The following CLVS1 variants were observed in gnomAD, a reference collection of about 807,000 sequenced individuals.
CLVS1 encodes clavesin 1.
Under a neutral mutation model 33.1 loss-of-function variants are expected in CLVS1, and 10 were observed. That is an observed-to-expected ratio of 0.30 (90% confidence interval 0.19 to 0.51). CLVS1 has a LOEUF of 0.51. Ranked by LOEUF, CLVS1 falls within the 20% of genes least tolerant of loss-of-function variation. The pLI is 0.97. For synonymous variants in CLVS1, 163 were observed against 166.1 expected (o/e 0.98, Z 0.14); for missense variants, 343 against 433.4 (o/e 0.79, Z 1.85).
At chr8:61,364,144 A>T (rs1179117572) in intron 2 of CLVS1, among the ~76,000 whole-genome samples, 7 of 152,212 alleles carry the variant, frequency 4.6e-5, no homozygotes, top group Admixed American at 1.3e-4. Flanking sequence ...CTGGTTTTGA[A>T]GGATGATCAA....
intron 5 of CLVS1, among the ~76,000 whole-genome samples, chr8:61,467,533 T>G (rs1474624776): frequency 1.3e-5 from 2 of 152,240 alleles, no homozygotes; most frequent in South Asian, 2.1e-4. Flanking sequence ...AGAAGTGTGT[T>G]CATTCTGGTG....
intron 2 of CLVS1, among the ~76,000 whole-genome samples, chr8:61,151,760 T>C (rs929913753): frequency 2.6e-5 from 4 of 152,194 alleles, no homozygotes; most frequent in African/African-American, 9.7e-5. Context: ...AACAAGTGGC[T>C]CGCAAATATT....
At chr8:61,187,209 A>G (rs1807359709) in intron 2 of CLVS1, among the ~76,000 whole-genome samples, 1 of 152,154 alleles carries the variant, frequency 6.6e-6, no homozygotes, top group African/African-American at 2.4e-5. Flanking sequence ...ACTGGGTCAT[A>G]AAGACAGAAA....
At chr8:61,170,809 T>A (rs1563429868) in intron 2 of CLVS1, among the ~76,000 whole-genome samples, 1 of 152,202 alleles carries the variant, frequency 6.6e-6, no homozygotes, top group Non-Finnish European at 1.5e-5. Flanking sequence ...CCTTAAAGAA[T>A]AGAGTTCTTT....
chr8:61,356,143 T>G (rs1340559785), intron 2 of CLVS1, among the ~76,000 whole-genome samples: 1 of 151,902 alleles, frequency 6.6e-6, no homozygotes, highest in Non-Finnish European at 1.5e-5. Context: ...GTGATTTTGA[T>G]TTGCATTTCT....
the CLVS1 span, among the ~76,000 whole-genome samples, chr8:60,984,327 C>CT: frequency 1.6e-3 from 182 of 115,474 alleles, 1 homozygote; most frequent in Middle Eastern, 4.2e-3. Flanking sequence ...TTTTTTTTTT[C>CT]TTTTTTTTTT....
chr8:61,026,243 C>T, the CLVS1 span, among the ~76,000 whole-genome samples: 1 of 152,140 alleles, frequency 6.6e-6, no homozygotes, highest in African/African-American at 2.4e-5. Flanking sequence ...CATGAGAAGA[C>T]ACAGAAAGCA....
chr8:61,282,350 G>C (rs1453467060), intron 2 of CLVS1, among the ~76,000 whole-genome samples: 9 of 152,190 alleles, frequency 5.9e-5, no homozygotes. Context: ...GCAGCTGGTA[G>C]AAGCAGGGGA....
intron 2 of CLVS1, among the ~76,000 whole-genome samples, chr8:61,228,474 G>A (rs576694202): frequency 6.6e-6 from 1 of 152,290 alleles, no homozygotes; most frequent in Admixed American, 6.5e-5. Flanking sequence ...AAACATCATA[G>A]CTTAGCCTAG....
At position 61,496,038 on chromosome 8, in the gene CLVS1, A is replaced by G. The variant is rs76116426; in HGVS notation, c.978-3417A>G. Among the ~76,000 whole-genome samples the G allele has an allele frequency of 3.2e-3, 494 of 152,292 alleles. 3 individuals are homozygous for G. Among genetic ancestry groups the G allele is most frequent in the Non-Finnish European group, 5.8e-3 (396 of 68,018 alleles). On this transcript the variant is annotated intron_variant, in intron 5 of 5. Transcript: ENST00000325897. ...TTTAGAAAGGGCAGAGCTGAGTTCA[A>G]TGTAAGGAAGAATTTTCTAGCTGAG...
chr8:61,020,817 T>G, the CLVS1 span, among the ~76,000 whole-genome samples: 1 of 152,238 alleles, frequency 6.6e-6, no homozygotes, highest in South Asian at 2.1e-4. Context: ...ATGCTTTGCT[T>G]CCTCTCTGCT....
At chr8:61,276,528 C>A (rs1270227636) in intron 2 of CLVS1, among the ~76,000 whole-genome samples, 1 of 152,168 alleles carries the variant, frequency 6.6e-6, no homozygotes, top group Non-Finnish European at 1.5e-5. Flanking sequence ...GTTTTTAAAC[C>A]TCCTCAGTGC....
At chr8:61,131,436 G>A (rs768200544) in intron 1 of CLVS1, among the ~76,000 whole-genome samples, 1 of 152,182 alleles carries the variant, frequency 6.6e-6, no homozygotes, top group Non-Finnish European at 1.5e-5. Context: ...ATATTGGGCT[G>A]GGAGTACATT....
chr8:60,997,934 T>TTGTGTG, the CLVS1 span, among the ~76,000 whole-genome samples: 4 of 150,366 alleles, frequency 2.7e-5, no homozygotes, highest in Admixed American at 6.6e-5. Flanking sequence ...CTTAAGGTGC[T>TTGTGTG]TGTGTGTGTG....
chr8:61,039,411 T>C, the CLVS1 span, among the ~76,000 whole-genome samples: 1 of 152,380 alleles, frequency 6.6e-6, no homozygotes, highest in South Asian at 2.1e-4. Context: ...TGTGGCTCAC[T>C]ACCTGTCCAG....
intron 2 of CLVS1, among the ~76,000 whole-genome samples, chr8:61,316,314 C>T (rs908894603): frequency 4.6e-5 from 7 of 152,252 alleles, no homozygotes; most frequent in South Asian, 2.1e-4. Flanking sequence ...TTGGCTACTG[C>T]GAATACATGA....
At position 61,245,417 on chromosome 8, in the gene CLVS1, A is replaced by C. The variant is rs201532330; in HGVS notation, c.-151-54260A>C. On this transcript the variant is annotated intron_variant, in intron 2 of 2. Transcript: ENST00000522621. ...GGCCAGGATGGCCTCAATCTCCTGA[A>C]CTTGTGATCTGCCTGCCTGGGCCTC... Among the ~76,000 whole-genome samples the C allele has an allele frequency of 7.7e-3, 1,165 of 151,916 alleles. 15 individuals are homozygous for C. Among genetic ancestry groups the C allele is most frequent in the African/African-American group, 0.026 (1,090 of 41,434 alleles).
At chr8:61,102,999 T>C (rs562343872) in intron 1 of CLVS1, among the ~76,000 whole-genome samples, 1 of 152,156 alleles carries the variant, frequency 6.6e-6, no homozygotes, top group Non-Finnish European at 1.5e-5. Flanking sequence ...TAGGCAATGA[T>C]AGTAGATCAT....
chr8:61,352,927 T>C (rs1244696349), intron 2 of CLVS1, among the ~76,000 whole-genome samples: 2 of 152,064 alleles, frequency 1.3e-5, no homozygotes, highest in Admixed American at 1.3e-4. Flanking sequence ...TATATGTAAA[T>C]ACTATACCAT....
Sources: gnomAD v4.1 joint callset for allele counts (sites outside exome capture counted in the v4.1 genomes callset) on GRCh38, gnomAD v4.1.1 for gene constraint, MANE v1.5 for transcripts, NCBI Gene and HGNC (gene_info 2026-07-23, HGNC 2026-07-21) for gene names.